The following USP48 variants were observed in gnomAD, a reference collection of about 807,000 sequenced individuals.
USP48 encodes ubiquitin carboxyl-terminal hydrolase 48.
In USP48, 43 loss-of-function variants were observed where a neutral mutation model predicts 150.7. That is an observed-to-expected ratio of 0.29 (90% CI 0.22 to 0.37). USP48 has a LOEUF of 0.37. Among genes scored for constraint, USP48 ranks in the 10% least tolerant of loss-of-function variants. The pLI, the probability that USP48 is intolerant of heterozygous loss-of-function variation, is 1.00. For missense variants in USP48, 813 were observed against 1,249.6 expected (o/e 0.65, Z 5.27); for synonymous variants, 396 against 425.9 (o/e 0.93, Z 0.86).
At chr1:21,778,168 G>A (rs1468246574) in intron 1 of USP48, among the ~76,000 whole-genome samples, 2 of 149,238 alleles carry the variant, frequency 1.3e-5, no homozygotes, top group Non-Finnish European at 3.0e-5. Context: ...ACAAAAACAA[G>A]ACCAAAAAAA....
At chr1:21,724,273 T>C in intron 11 of USP48, 178 bp from the exon 12 acceptor site, 1 of 655,608 alleles carries the variant, frequency 1.5e-6, no homozygotes, top group Non-Finnish European at 2.7e-6. Flanking sequence ...TAAGTGCCAC[T>C]CCTATGAGTT....
intron 1 of USP48, among the ~76,000 whole-genome samples, chr1:21,759,318 G>A (rs1287785876): frequency 1.3e-5 from 2 of 151,216 alleles, no homozygotes; most frequent in Non-Finnish European, 2.9e-5. Context: ...AGAGGGAGGG[G>A]GTGTGACTGA....
chr1:21,756,662 T>C lies in USP48; in HGVS notation c.296A>G (p.Tyr99Cys), dbSNP rs1395807961. Reference protein sequence around the residue: ...VGLTNLGATCYVNTFLQVWFL... With the variant: ...VGLTNLGATCCVNTFLQVWFL... ...CCACACTTGAAGAAATGTGTTGACA[T>C]AACAAGTGGCTCCAAGGTTAGTCAG... Residue 99 changes from tyrosine (Y) to cysteine (C), a missense_variant, in exon 3 of 27, where the codon TAT (tyrosine) becomes TGT (cysteine). By Grantham distance (194) the Tyr-to-Cys change is radical. Transcript: ENST00000308271. 2 of 1,613,590 alleles carry C rather than the reference T, an allele frequency of 1.2e-6. No individual in the cohort carries two copies. The highest frequency in any genetic ancestry group is 1.7e-6 in the Non-Finnish European group (2 of 1,179,850).
chr1:21,708,279 T>A (rs951915124), intron 15 of USP48, among the ~76,000 whole-genome samples: 2 of 150,822 alleles, frequency 1.3e-5, no homozygotes, highest in African/African-American at 4.9e-5. Flanking sequence ...GGGGAGCAGA[T>A]CACGAGGTCA....
intron 23 of USP48, among the ~76,000 whole-genome samples, chr1:21,691,540 G>A (rs2097600758): frequency 6.6e-6 from 1 of 151,994 alleles, no homozygotes; most frequent in African/African-American, 2.4e-5. Context: ...GAGGCTGAGG[G>A]AGGAGAATCA....
At chr1:21,679,568 G>C in intron 26 of USP48, 129 bp from the exon 27 acceptor site, 1 of 1,157,002 alleles carries the variant, frequency 8.6e-7, no homozygotes, top group Non-Finnish European at 1.3e-6. Context: ...TCGCACCTTG[G>C]TGTGGGAGGA....
At chr1:21,722,865 T>G (rs2097725467) in intron 12 of USP48, among the ~76,000 whole-genome samples, 1 of 151,912 alleles carries the variant, frequency 6.6e-6, no homozygotes, top group Non-Finnish European at 1.5e-5. Flanking sequence ...TCCCAGAAAT[T>G]TAGGAAGCAA....
chr1:21,748,255 CCTT>C lies in USP48; in HGVS notation c.788_790del (p.Glu263del). The C allele has an allele frequency of 6.2e-7, 1 of 1,611,956 alleles. No individual in the cohort carries two copies. The highest frequency in any genetic ancestry group is 8.5e-7 in the Non-Finnish European group (1 of 1,179,308). On this transcript the variant is annotated inframe_deletion, in exon 7 of 27. Transcript: ENST00000308271. The stretch of plus-strand genomic sequence containing the variant: ...GTTCTCGCAAAAATAGCGATTGTCT[CCTT>C]CTAATTTTTCTTCCTGATCAAGAAT...
intron 22 of USP48, 101 bp from the exon 23 acceptor site, chr1:21,695,322 TC>T: frequency 2.4e-6 from 3 of 1,248,870 alleles, no homozygotes; most frequent in African/African-American, 1.5e-5. Context: ...TCCTTATTGG[TC>T]CCTTAACTAT....
chr1:21,690,637 C>T (rs1292252116), intron 23 of USP48, among the ~76,000 whole-genome samples: 1 of 152,092 alleles, frequency 6.6e-6, no homozygotes, highest in Non-Finnish European at 1.5e-5. Context: ...GATCCTCCCA[C>T]CTAAGGCTTC....
chr1:21,775,223 T>C (rs1392329855), intron 1 of USP48, among the ~76,000 whole-genome samples: 2 of 151,914 alleles, frequency 1.3e-5, no homozygotes, highest in East Asian at 1.9e-4. Flanking sequence ...GTCTCCAGTG[T>C]AGCTGGAACT....
At chr1:21,687,027 C>T (rs995012325) in intron 25 of USP48, 164 bp downstream of exon 25, 1 of 665,134 alleles carries the variant, frequency 1.5e-6, no homozygotes, top group Non-Finnish European at 2.5e-6. Context: ...ATATCTTTCC[C>T]TCCTTTCTAT....
In USP48 at chr1:21,736,526, C is replaced by CGTG; in HGVS notation, c.1090_1091insCAC (p.Gly364delinsAlaArg). On this transcript the variant is annotated protein_altering_variant, in exon 9 of 27. Transcript: ENST00000308271. ...TTCATCATTAAACTTATACCATTCA[C>CGTG]CAGACTGTGGATCTTTCACGTGGGC... 6.2e-7 allele frequency: 1 copy of CGTG among 1,602,614 alleles called. No homozygotes were observed. Among genetic ancestry groups the CGTG allele is most frequent in the Non-Finnish European group, 8.5e-7 (1 of 1,176,488 alleles).
At chr1:21,696,241 C>T (rs1353302016) in intron 22 of USP48, among the ~76,000 whole-genome samples, 1 of 151,930 alleles carries the variant, frequency 6.6e-6, no homozygotes, top group Non-Finnish European at 1.5e-5. Context: ...GAGTTCGAGA[C>T]CAGCCTGACT....
intron 3 of USP48, among the ~76,000 whole-genome samples, chr1:21,753,948 G>C (rs1557575227): frequency 6.6e-6 from 1 of 151,770 alleles, no homozygotes; most frequent in Non-Finnish European, 1.5e-5. Flanking sequence ...GGATCACAAG[G>C]TCGGGAGTTC....
chr1:21,782,801 G>T (rs1357811759), intron 1 of USP48, 23 bp downstream of exon 1: 8 of 1,510,408 alleles, frequency 5.3e-6, no homozygotes, highest in Admixed American at 2.2e-5. Flanking sequence ...AGGAGCCCGC[G>T]AGGCGCGGTG....
At position 21,753,010 on chromosome 1, in the gene USP48, C is replaced by T. The variant is rs772614564; in HGVS notation, c.522G>A (p.Leu174=). Residue 174 remains leucine (L), a synonymous_variant, in exon 4 of 27, where the codon CTG becomes CTA. Transcript: ENST00000308271. ...TTCTTACCTGCTGTTGTCCAGTGTC[C>T]AGGCCCAAGGCTTTAACAAATCCTG... ...DPSGFVKALG[L]DTGQQQDAQE... is the part of the protein sequence containing the mutation. The T allele has an allele frequency of 1.9e-6, 3 of 1,602,608 alleles. No homozygotes were observed. The highest frequency in any genetic ancestry group is 2.7e-5 in the African/African-American group (2 of 73,936).
intron 22 of USP48, among the ~76,000 whole-genome samples, chr1:21,700,753 A>G (rs1571758563): frequency 6.6e-6 from 1 of 152,314 alleles, no homozygotes; most frequent in East Asian, 1.9e-4. Context: ...TACATCAACC[A>G]TATTCCCACG....
At chr1:21,736,738 T>C in intron 8 of USP48, 113 bp from the exon 9 acceptor site, 3 of 927,154 alleles carry the variant, frequency 3.2e-6, no homozygotes, top group Non-Finnish European at 4.4e-6. Flanking sequence ...ACTAAAAACA[T>C]GTCACCTAAA....
Sources: allele counts gnomAD v4.1 joint callset (sites outside exome capture counted in the v4.1 genomes callset), GRCh38; gene constraint gnomAD v4.1.1; transcripts MANE v1.5; gene names NCBI Gene and HGNC (gene_info 2026-07-23, HGNC 2026-07-21).